The following SVIL variants were observed in gnomAD, a reference collection of about 807,000 sequenced individuals.
SVIL encodes the protein supervillin.
A neutral mutation model predicts 240.4 loss-of-function variants in SVIL; 101 were observed. The ratio of observed to expected loss-of-function variants is 0.42; its 90% CI spans 0.36 to 0.50. The LOEUF (loss-of-function observed/expected upper bound fraction) is 0.50. Ranked by LOEUF, SVIL falls within the 20% of genes least tolerant of loss-of-function variation. The probability of loss-of-function intolerance (pLI) is 0.01; values close to 1 mark genes in which losing one functional copy is unlikely to be tolerated. For missense variants in SVIL, 2,512 were observed against 2,818.7 expected (o/e 0.89, Z 2.46); for synonymous variants, 999 against 1,100.0 (o/e 0.91, Z 1.82).
intron 5 of SVIL, among the ~76,000 whole-genome samples, chr10:29,554,508 T>C (rs1440785540): frequency 1.3e-5 from 2 of 151,578 alleles, no homozygotes; most frequent in Admixed American, 1.3e-4. Flanking sequence ...AAAATTAGCC[T>C]GGTGTGGTGG....
intron 3 of SVIL, among the ~76,000 whole-genome samples, chr10:29,555,321 C>G (rs900853021): frequency 7.4e-6 from 1 of 135,466 alleles, no homozygotes; most frequent in Non-Finnish European, 1.6e-5. Flanking sequence ...CAGACACACA[C>G]ACACACACAC....
chr10:29,643,847 T>C (rs1308437456), intron 3 of SVIL: 1 of 379,164 alleles, frequency 2.6e-6, no homozygotes, highest in Non-Finnish European at 5.4e-6. Flanking sequence ...GAGCAATGGG[T>C]GTGTAGCAGA....
chr10:29,618,525 G>A (rs1194714770), intron 1 of SVIL, among the ~76,000 whole-genome samples: 1 of 152,110 alleles, frequency 6.6e-6, no homozygotes, highest in South Asian at 2.1e-4. Flanking sequence ...GACCCACCAT[G>A]CCTGGCCCAG....
At chr10:29,485,303 G>A (rs924822963) in intron 26 of SVIL, among the ~76,000 whole-genome samples, 1 of 151,908 alleles carries the variant, frequency 6.6e-6, no homozygotes, top group Non-Finnish European at 1.5e-5. Flanking sequence ...TCAGATCATG[G>A]TGATACATAC....
chr10:29,611,418 T>C (rs1957239120), intron 1 of SVIL, among the ~76,000 whole-genome samples: 1 of 151,702 alleles, frequency 6.6e-6, no homozygotes, highest in African/African-American at 2.4e-5. Flanking sequence ...CTGGAACGTG[T>C]CAAGTGGTTA....
rs1277754808 is a variant in SVIL at position 29,729,136 on chromosome 10, CCTT to C, written c.-400+6612_-400+6614del. ...TCCCCCTCCCCAACTAAGCTCATCA[CCTT>C]CTTCCTCCTAAGGGAAATGGCTCTT... On this transcript the variant is annotated intron_variant, in intron 1 of 35. Transcript: ENST00000375400. Among the ~76,000 whole-genome samples, 3 of 152,210 alleles carry C rather than the reference CCTT, an allele frequency of 2.0e-5. No homozygotes were observed. In the South Asian group the frequency reaches 6.2e-4, roughly 32 times the overall value.
chr10:29,537,096 A>C (rs1025854168), intron 6 of SVIL, among the ~76,000 whole-genome samples: 1 of 152,052 alleles, frequency 6.6e-6, no homozygotes, highest in Admixed American at 6.6e-5. Context: ...ACACATTTCA[A>C]ATAAAGAAGA....
intron 5 of SVIL, among the ~76,000 whole-genome samples, chr10:29,553,643 G>C (rs1564629750): frequency 6.6e-6 from 1 of 152,166 alleles, no homozygotes; most frequent in Non-Finnish European, 1.5e-5. Context: ...CTCAGAGCCA[G>C]GGACTGTGGT....
At chr10:29,544,982 A>G (rs1270336074) in intron 6 of SVIL, 2 of 534,340 alleles carry the variant, frequency 3.7e-6, no homozygotes, top group Non-Finnish European at 7.7e-6. Flanking sequence ...TGTTCTTTAG[A>G]ATGGCCCCCA....
intron 1 of SVIL, among the ~76,000 whole-genome samples, chr10:29,723,419 A>C (rs1964104463): frequency 6.6e-6 from 1 of 152,160 alleles, no homozygotes; most frequent in East Asian, 1.9e-4. Flanking sequence ...GCATCACTTA[A>C]ATTTAAACTG....
At position 29,554,763 on chromosome 10, in the gene SVIL, C is replaced by A; in HGVS notation, c.160+20G>T. 6.6e-7 allele frequency: 1 copy of A among 1,520,102 alleles called. No homozygotes were observed. Among genetic ancestry groups the A allele is most frequent in the East Asian group, 2.3e-5 (1 of 43,380 alleles). The allele number at this position is 1,520,102 out of a possible 1,614,324, so 94.2% of individuals were successfully genotyped here. ...GCCAGGCAGCCTGCTGGAAAATGGGCCACCCAGCTCCACGCTCACCGATGT... is the reference window on the plus strand; with the variant it reads ...GCCAGGCAGCCTGCTGGAAAATGGGACACCCAGCTCCACGCTCACCGATGT... On this transcript the variant is annotated intron_variant, in intron 5 of 37. Coordinates refer to ENST00000355867, the MANE Select transcript of SVIL (RefSeq NM_021738.3).
chr10:29,567,938 A>G (rs2132713506), intron 2 of SVIL, among the ~76,000 whole-genome samples: 1 of 151,434 alleles, frequency 6.6e-6, no homozygotes, highest in East Asian at 1.9e-4. Context: ...AATGGCGTGA[A>G]CCCAGGAGGC....
At chr10:29,562,262 A>G (rs1291556761) in intron 3 of SVIL, among the ~76,000 whole-genome samples, 12 of 152,238 alleles carry the variant, frequency 7.9e-5, no homozygotes, top group Admixed American at 5.9e-4. Context: ...ACAAAGACCA[A>G]TCAATGTTTA....
chr10:29,499,374 T>C lies in SVIL; in HGVS notation c.3517-111A>G, dbSNP rs1829143702. 3 of 1,385,688 alleles carry C rather than the reference T, an allele frequency of 2.2e-6. No homozygotes were observed. The South Asian group carries it at 3.9e-5, about 18-fold the overall frequency. The allele number at this position is 1,385,688 out of a possible 1,614,324, so 85.8% of individuals were successfully genotyped here. A position where few individuals can be genotyped will look rare whatever the true frequency, so the allele number is the denominator to read the frequency against. On this transcript the variant is annotated intron_variant, in intron 17 of 37. Coordinates refer to ENST00000355867, the MANE Select transcript of SVIL (RefSeq NM_021738.3). ...AAGCAGGTTGACAAAGAGGAGTAAG[T>C]ATATTGTCCAAAGATGTTCAAAAAT...
At chr10:29,554,691 T>A (rs1953738651) in intron 5 of SVIL, 92 bp downstream of exon 5, 1 of 1,378,538 alleles carries the variant, frequency 7.3e-7, no homozygotes, top group Admixed American at 3.2e-5. Context: ...TTCTGTGGAA[T>A]ATCTCATGTT....
Position 29,575,837 on chromosome 10 carries a change from A to G in SVIL, c.-200-6525T>C, listed in dbSNP as rs543983752. Among the ~76,000 whole-genome samples the G allele has an allele frequency of 3.3e-5, 5 of 152,260 alleles. No homozygotes were observed. The East Asian group carries it at 9.6e-4, about 29-fold the overall frequency. On this transcript the variant is annotated intron_variant, in intron 1 of 37. Transcript: ENST00000355867. Reference sequence around the variant, plus strand: ...ATGAGAAAATCCTTACTTTTTACCTAGGATTGATTTTTTTAAGGGTTGAGA... The same window carrying G: ...ATGAGAAAATCCTTACTTTTTACCTGGGATTGATTTTTTTAAGGGTTGAGA...
intron 29 of SVIL, 52 bp from the exon 30 acceptor site, chr10:29,474,041 A>G (rs1334472143): frequency 6.3e-7 from 1 of 1,592,402 alleles, no homozygotes; most frequent in South Asian, 1.1e-5. Flanking sequence ...ACACCCGAGG[A>G]GAAGCAAATG....
chr10:29,548,371 G>A (rs4747669), intron 6 of SVIL, among the ~76,000 whole-genome samples: 63,521 of 151,976 alleles, frequency 0.42, 13,347 homozygotes, highest in East Asian at 0.44. Context: ...TTTGAACTGA[G>A]AAATACACTT....
chr10:29,505,725 G>T (rs1051371853), intron 17 of SVIL, among the ~76,000 whole-genome samples: 2 of 152,312 alleles, frequency 1.3e-5, no homozygotes, highest in African/African-American at 4.8e-5. Context: ...TAGCAAATGT[G>T]CCACTCTGGA....
Sources: gnomAD v4.1 joint callset for allele counts (sites outside exome capture counted in the v4.1 genomes callset) on GRCh38, gnomAD v4.1.1 for gene constraint, MANE v1.5 for transcripts, NCBI Gene and HGNC (gene_info 2026-07-23, HGNC 2026-07-21) for gene names.